PCDHA13: variants seen among roughly 807,000 people sequenced by gnomAD.
PCDHA13 encodes the protein protocadherin alpha 13.
In PCDHA13, 54 loss-of-function variants were observed where a neutral mutation model predicts 64.8. That is an observed-to-expected ratio of 0.83 (90% CI 0.67 to 1.04). PCDHA13 has a LOEUF of 1.04. PCDHA13 is among the 50% of genes least tolerant of loss of function. The pLI, the probability that PCDHA13 is intolerant of heterozygous loss-of-function variation, is 0.00. For synonymous variants in PCDHA13, 587 were observed against 564.4 expected, an observed-to-expected ratio of 1.04 and a Z score of -0.57; for missense variants, 1,248 against 1,254.3, an observed-to-expected ratio of 0.99 and a Z score of 0.08.
chr5:140,964,133 G>A (rs2095812042), intron 1 of PCDHA13, among the ~76,000 whole-genome samples: 1 of 152,182 alleles, frequency 6.6e-6, no homozygotes, highest in African/African-American at 2.4e-5. Context: ...AACTAGTAAG[G>A]TTGGCAGGAG....
intron 1 of PCDHA13, among the ~76,000 whole-genome samples, chr5:140,907,117 T>G (rs2073177882): frequency 6.6e-6 from 1 of 152,156 alleles, no homozygotes; most frequent in Non-Finnish European, 1.5e-5. Context: ...ACCCCTTGAT[T>G]CCTGGACCTG....
chr5:140,966,620 G>A lies in PCDHA13; in HGVS notation c.2395-12329G>A, dbSNP rs2096027901. 8 of 837,888 alleles carry A rather than the reference G, an allele frequency of 9.5e-6. No homozygotes were observed. The East Asian group carries it at 2.6e-4, about 27-fold the overall frequency. 51.9% of individuals were successfully genotyped at this position (837,888 alleles called of 1,614,324 possible). A position where few individuals can be genotyped will look rare whatever the true frequency, so the allele number is the denominator to read the frequency against. On this transcript the variant is annotated intron_variant, in intron 1 of 3. Transcript: ENST00000289272. ...GAGCCCTTGGGAGGGCCTACGGAGG[G>A]AGCGGCCCCAGGCGCTTTCTAGAGC...
At chr5:140,939,521 T>C (rs540311861) in intron 1 of PCDHA13, among the ~76,000 whole-genome samples, 3 of 152,326 alleles carry the variant, frequency 2.0e-5, no homozygotes, top group Non-Finnish European at 2.9e-5. Flanking sequence ...TTAATAGTTA[T>C]AGAATTATAC....
At chr5:140,964,841 T>G (rs2095857355) in intron 1 of PCDHA13, among the ~76,000 whole-genome samples, 2 of 152,190 alleles carry the variant, frequency 1.3e-5, no homozygotes, top group Non-Finnish European at 2.9e-5. Context: ...CTTCCTACTC[T>G]GTACCCTTGA....
chr5:140,894,819 G>T (rs974558361), intron 1 of PCDHA13, among the ~76,000 whole-genome samples: 6 of 151,474 alleles, frequency 4.0e-5, no homozygotes, highest in African/African-American at 1.2e-4. Context: ...TATCAGATTT[G>T]CCCATAATCC....
intron 3 of PCDHA13, among the ~76,000 whole-genome samples, chr5:141,002,322 G>A (rs1477526091): frequency 6.6e-6 from 1 of 152,190 alleles, no homozygotes; most frequent in South Asian, 2.1e-4. Context: ...CCTGGAGGCC[G>A]GGCTGCATCC....
At position 140,924,761 on chromosome 5, in the gene PCDHA13, G is replaced by T. The variant is rs979984304; in HGVS notation, c.2394+40099G>T. On this transcript the variant is annotated intron_variant, in intron 1 of 3. Coordinates refer to ENST00000289272, the MANE Select transcript of PCDHA13 (RefSeq NM_018904.3). Reference sequence around the variant, plus strand: ...AATACAAAAATTAACCGAGCATGGTGGTGCGCGCTTGTAGTCCTAGCTACT... The same window carrying T: ...AATACAAAAATTAACCGAGCATGGTTGTGCGCGCTTGTAGTCCTAGCTACT... Among the ~76,000 whole-genome samples the T allele has an allele frequency of 5.3e-5, 8 of 151,864 alleles. No individual in the cohort carries two copies. The East Asian group carries it at 1.5e-3, about 29-fold the overall frequency.
chr5:140,946,384 G>A (rs2093939169), intron 1 of PCDHA13, among the ~76,000 whole-genome samples: 1 of 151,758 alleles, frequency 6.6e-6, no homozygotes, highest in Non-Finnish European at 1.5e-5. Context: ...CGGTTGGTAG[G>A]AATGTAAATT....
chr5:140,891,344 T>C (rs952306829), intron 1 of PCDHA13, among the ~76,000 whole-genome samples: 2 of 152,166 alleles, frequency 1.3e-5, no homozygotes, highest in East Asian at 1.9e-4. Flanking sequence ...GAGATTTTGG[T>C]GCATCCATCA....
chr5:140,927,339 A>G lies in PCDHA13; in HGVS notation c.2394+42677A>G, dbSNP rs532353795. 3.7e-6 allele frequency: 6 copies of G among 1,614,052 alleles called. No individual in the cohort carries two copies. The South Asian group carries it at 4.4e-5, about 12-fold the overall frequency. The stretch of plus-strand genomic sequence containing the variant: ...CCCGCTTTACTCTCCCGAATGCCCA[A>G]GATGACGACGAGGGAAGCAATGGGA... On this transcript the variant is annotated intron_variant, in intron 1 of 3. Transcript: ENST00000289272.
At chr5:140,938,041 G>T (rs2091894997) in intron 1 of PCDHA13, among the ~76,000 whole-genome samples, 1 of 151,764 alleles carries the variant, frequency 6.6e-6, no homozygotes, top group African/African-American at 2.4e-5. Flanking sequence ...TTTATATTTT[G>T]GGTTTTCTAC....
chr5:140,882,160 C>G lies in PCDHA13; in HGVS notation c.-109C>G, dbSNP rs2058982745. ...AAATATAGCAGAAAGCGGAATACCT[C>G]TTGCGAATCCTTCCGCACTAGGAAG... On this transcript the variant is annotated 5_prime_UTR_variant, in exon 1 of 4. Coordinates refer to ENST00000289272, the MANE Select transcript of PCDHA13 (RefSeq NM_018904.3). 8 of 1,509,868 alleles carry G rather than the reference C, an allele frequency of 5.3e-6. No individual in the cohort carries two copies. Among genetic ancestry groups the G allele is most frequent in the Non-Finnish European group, 7.1e-6 (8 of 1,129,420 alleles). The allele number at this position is 1,509,868 out of a possible 1,614,324, so 93.5% of individuals were successfully genotyped here. A position where few individuals can be genotyped will look rare whatever the true frequency, so the allele number is the denominator to read the frequency against.
At chr5:140,935,473 AT>A (rs2090393235) in intron 1 of PCDHA13, among the ~76,000 whole-genome samples, 1 of 152,212 alleles carries the variant, frequency 6.6e-6, no homozygotes, top group African/African-American at 2.4e-5. Context: ...AGTTTTTGTC[AT>A]TCTTTTCATT....
chr5:140,982,795 A>ATG (rs60616196), intron 3 of PCDHA13, among the ~76,000 whole-genome samples: 5,064 of 151,610 alleles, frequency 0.033, 263 homozygotes, highest in African/African-American at 0.11. Context: ...GCATGTGTGC[A>ATG]TGTGTGTGTG....
At chr5:140,915,581 A>G (rs1563006188) in intron 1 of PCDHA13, among the ~76,000 whole-genome samples, 1 of 151,994 alleles carries the variant, frequency 6.6e-6, no homozygotes, top group Non-Finnish European at 1.5e-5. Flanking sequence ...GCCAGGCAAA[A>G]GCACTTGTTC....
intron 1 of PCDHA13, among the ~76,000 whole-genome samples, chr5:140,921,749 A>G (rs1366376226): frequency 6.6e-6 from 1 of 152,196 alleles, no homozygotes; most frequent in Non-Finnish European, 1.5e-5. Context: ...GCATAACAGG[A>G]CACTTCTTGG....
intron 1 of PCDHA13, among the ~76,000 whole-genome samples, chr5:140,973,136 C>G (rs2096573800): frequency 6.6e-6 from 1 of 152,168 alleles, no homozygotes; most frequent in Admixed American, 6.5e-5. Context: ...TTTGCATTCA[C>G]TTTCACTTAT....
intron 1 of PCDHA13, among the ~76,000 whole-genome samples, chr5:140,920,281 A>G (rs1227812998): frequency 6.6e-6 from 1 of 152,176 alleles, no homozygotes; most frequent in Admixed American, 6.5e-5. Flanking sequence ...GTAATCTTAT[A>G]TTTTTTAGAG....
At chr5:140,915,466 T>C (rs2077134247) in intron 1 of PCDHA13, among the ~76,000 whole-genome samples, 1 of 152,176 alleles carries the variant, frequency 6.6e-6, no homozygotes, top group South Asian at 2.1e-4. Context: ...AGGTTTTTAT[T>C]TGAAGGAGCT....
Sources: gnomAD v4.1 joint callset for allele counts (sites outside exome capture counted in the v4.1 genomes callset) on GRCh38, gnomAD v4.1.1 for gene constraint, MANE v1.5 for transcripts, NCBI Gene and HGNC (gene_info 2026-07-23, HGNC 2026-07-21) for gene names.